SSX7: variants seen among roughly 807,000 people sequenced by gnomAD.
SSX7 encodes the protein protein SSX7.
Under a neutral mutation model 14.7 loss-of-function variants are expected in SSX7, and 15 were observed. The ratio of observed to expected loss-of-function variants is 1.02; its 90% CI spans 0.68 to 1.58. The LOEUF is 1.58. SSX7 is among the 40% of genes most tolerant of loss of function. The pLI is 0.00. For synonymous variants in SSX7, 46 were observed against 50.6 expected, an observed-to-expected ratio of 0.91 and a Z score of 0.38; for missense variants, 178 against 146.8, an observed-to-expected ratio of 1.21 and a Z score of -1.10.
intron 1 of SSX7, among the ~76,000 whole-genome samples, chrX:52,654,086 G>C (rs142163120): frequency 0.02 from 2,248 of 111,335 alleles, 30 homozygotes; most frequent in Middle Eastern, 0.088. Flanking sequence ...CCATCACTTA[G>C]AGAGAATGTA....
At chrX:52,654,588 G>A (rs1205661797) in intron 1 of SSX7, among the ~76,000 whole-genome samples, 174 bp downstream of exon 1, 4 of 108,802 alleles carry the variant, frequency 3.7e-5, no homozygotes, top group African/African-American at 6.7e-5. Context: ...GAAAAAGTTA[G>A]AAACTGACAG....
chrX:52,645,022 A>T (rs782773841), intron 7 of SSX7, among the ~76,000 whole-genome samples: 1 of 110,945 alleles, frequency 9.0e-6, no homozygotes, highest in Non-Finnish European at 1.9e-5. Context: ...GTAATCCCAG[A>T]ACTTTGGGAG....
At chrX:52,646,293 G>A (rs1372887794) in intron 6 of SSX7, among the ~76,000 whole-genome samples, 1 of 112,249 alleles carries the variant, frequency 8.9e-6, no homozygotes, top group South Asian at 3.6e-4. Context: ...TCGATCTCCC[G>A]ACTTCGTGAT....
chrX:52,647,771 G>A (rs1348084446), intron 6 of SSX7, among the ~76,000 whole-genome samples: 1 of 111,962 alleles, frequency 8.9e-6, no homozygotes, highest in Non-Finnish European at 1.9e-5. Flanking sequence ...TAAACATAAT[G>A]TTTTTATGCA....
chrX:52,648,504 A>C, intron 5 of SSX7, 108 bp from the exon 6 acceptor site: 1 of 1,089,658 alleles, frequency 9.2e-7, no homozygotes. Flanking sequence ...GTTCTCAACA[A>C]TGCTGGGAGA....
At chrX:52,649,246 G>C (rs1467274683) in intron 5 of SSX7, among the ~76,000 whole-genome samples, 3 of 111,014 alleles carry the variant, frequency 2.7e-5, no homozygotes, top group Non-Finnish European at 5.7e-5. Context: ...GGGCAGGATG[G>C]TCTTGACCTC....
intron 2 of SSX7, 33 bp downstream of exon 2, chrX:52,653,371 G>A (rs1556767284): frequency 1.7e-6 from 2 of 1,210,507 alleles, no homozygotes; most frequent in South Asian, 3.5e-5. Flanking sequence ...CTGTCCCCTG[G>A]GCCACTACTC....
At chrX:52,651,845 A>G (rs1925441620) in intron 4 of SSX7, among the ~76,000 whole-genome samples, 1 of 111,038 alleles carries the variant, frequency 9.0e-6, no homozygotes, top group Admixed American at 9.6e-5. Flanking sequence ...ATTGCACTCT[A>G]CCCTGGCCGA....
Position 52,646,392 on chromosome X carries a change from G to C in SSX7, c.467-849C>G, listed in dbSNP as rs1156643653. On this transcript the variant is annotated intron_variant, in intron 6 of 7. Coordinates refer to ENST00000298181, the MANE Select transcript of SSX7 (RefSeq NM_173358.2). The stretch of plus-strand genomic sequence containing the variant: ...TTTTTATTTTTGTGCATACACAGTA[G>C]GTGTATATACTTATGGGGTACGTGA... Among the ~76,000 whole-genome samples, 45 of 112,723 alleles carry C rather than the reference G, an allele frequency of 4.0e-4. 1 individual carries two copies. Among genetic ancestry groups the C allele is most frequent in the East Asian group, 8.3e-4 (3 of 3,606 alleles).
Position 52,645,543 on chromosome X carries a change from C to A in SSX7, c.467G>T (p.Gly156Val). The A allele has an allele frequency of 2.5e-6, 3 of 1,192,062 alleles. No homozygotes were observed. The highest frequency in any genetic ancestry group is 3.4e-6 in the Non-Finnish European group (3 of 883,278). Residue 156 changes from glycine (G) to valine (V), a missense_variant and splice_region_variant, in exon 7 of 8, where the codon GGA becomes GTA. Gly to Val is a moderately radical substitution (Grantham distance 109). Coordinates refer to ENST00000298181, the MANE Select transcript of SSX7 (RefSeq NM_173358.2). Reference sequence around the variant, plus strand: ...CCAGGCATGTTTCCCCCTTTTGGGTCCTGTGATGGAGAATAGTTGGAAAGT... The same window carrying A: ...CCAGGCATGTTTCCCCCTTTTGGGTACTGTGATGGAGAATAGTTGGAAAGT... The part of the protein sequence containing the change: ...STSEKINKTS[G>V]PKRGKHAWTH...
At chrX:52,650,318 G>C (rs782192038) in intron 5 of SSX7, 35 bp downstream of exon 5, 1 of 1,202,588 alleles carries the variant, frequency 8.3e-7, no homozygotes. Flanking sequence ...GAGGGACAAA[G>C]GTTCTCTGGT....
At chrX:52,649,387 A>G (rs1360697485) in intron 5 of SSX7, among the ~76,000 whole-genome samples, 1 of 112,010 alleles carries the variant, frequency 8.9e-6, no homozygotes. Flanking sequence ...TACATGTAAA[A>G]TAGTCTACGG....
intron 6 of SSX7, among the ~76,000 whole-genome samples, chrX:52,646,299 G>A (rs1423973683): frequency 4.4e-5 from 5 of 112,392 alleles, no homozygotes; most frequent in South Asian, 3.6e-4. Context: ...TCCCGACTTC[G>A]TGATCTGCCT....
At position 52,645,516 on chromosome X, in the gene SSX7, G is replaced by A. The variant is rs200360993; in HGVS notation, c.494C>T (p.Thr165Ile). Residue 165 changes from threonine to isoleucine, a missense_variant, in exon 7 of 8, where the codon ACC becomes ATC. Physicochemically the swap from Thr to Ile is moderately conservative, Grantham distance 89. Coordinates refer to ENST00000298181, the MANE Select transcript of SSX7 (RefSeq NM_173358.2). Reference sequence around the variant, plus strand: ...CTGCTTTCTCTCACGCAGTCTGTGGGTCCAGGCATGTTTCCCCCTTTTGGG... The same window carrying A: ...CTGCTTTCTCTCACGCAGTCTGTGGATCCAGGCATGTTTCCCCCTTTTGGG... Reference protein sequence around the residue: ...SGPKRGKHAWTHRLRERKQLV... With the variant: ...SGPKRGKHAWIHRLRERKQLV... 747 of 1,199,313 alleles carry A rather than the reference G, an allele frequency of 6.2e-4. 7 individuals carry two copies. In the South Asian group the frequency reaches 0.013, roughly 20 times the overall value.
intron 6 of SSX7, among the ~76,000 whole-genome samples, chrX:52,646,123 G>A (rs1925237807): frequency 9.0e-6 from 1 of 111,424 alleles, no homozygotes; most frequent in Non-Finnish European, 1.9e-5. Flanking sequence ...GAGTGCAGTG[G>A]AGCAATCTCA....
At chrX:52,645,383 C>A in intron 7 of SSX7, 56 bp downstream of exon 7, 3 of 1,208,140 alleles carry the variant, frequency 2.5e-6, no homozygotes, top group Non-Finnish European at 3.4e-6. Context: ...ATACCAGTAT[C>A]ATAACAGAAT....
At chrX:52,649,845 T>C (rs1556766793) in intron 5 of SSX7, among the ~76,000 whole-genome samples, 1 of 112,563 alleles carries the variant, frequency 8.9e-6, no homozygotes, top group Admixed American at 9.4e-5. Context: ...TTAAATGGCT[T>C]GGAGCTCTGG....
At chrX:52,646,279 G>C (rs1202418908) in intron 6 of SSX7, among the ~76,000 whole-genome samples, 1 of 111,878 alleles carries the variant, frequency 8.9e-6, no homozygotes, top group Non-Finnish European at 1.9e-5. Flanking sequence ...TAGCCAGGAT[G>C]GTCTCGATCT....
intron 1 of SSX7, among the ~76,000 whole-genome samples, chrX:52,654,342 C>A (rs1471151513): frequency 2.9e-5 from 3 of 102,455 alleles, no homozygotes; most frequent in Admixed American, 2.2e-4. Context: ...TCACTTGATC[C>A]CAGGAGGAAA....
Sources: gnomAD v4.1 joint callset for allele counts (sites outside exome capture counted in the v4.1 genomes callset) on GRCh38, gnomAD v4.1.1 for gene constraint, MANE v1.5 for transcripts, NCBI Gene and HGNC (gene_info 2026-07-23, HGNC 2026-07-21) for gene names.